Variants in SCAF4 observed in about 807,000 individuals in gnomAD.
The protein encoded by SCAF4 is SR-related CTD associated factor 4.
SCAF4 carries 25 observed loss-of-function variants against 129.8 expected under a neutral mutation model. That is an observed-to-expected ratio of 0.19 (90% CI 0.14 to 0.27). The LOEUF (loss-of-function observed/expected upper bound fraction) is 0.27. SCAF4 is among the 10% of genes least tolerant of loss of function. The pLI is 1.00. For synonymous variants in SCAF4, 551 were observed against 497.7 expected (o/e 1.11, Z -1.43); for missense variants, 1,246 against 1,457.1 (o/e 0.86, Z 2.36).
intron 17 of SCAF4, 33 bp from the exon 18 acceptor site, chr21:31,685,517 G>A (rs1292450513): frequency 2.5e-6 from 4 of 1,612,946 alleles, no homozygotes; most frequent in South Asian, 2.2e-5. Flanking sequence ...AACTTATGCT[G>A]TATCACTCCA....
intron 1 of SCAF4, among the ~76,000 whole-genome samples, chr21:31,713,973 C>A (rs2050865272): frequency 6.6e-6 from 1 of 151,988 alleles, no homozygotes; most frequent in Admixed American, 6.6e-5. Flanking sequence ...AATATAATTC[C>A]AACAAAATCT....
chr21:31,706,135 A>G, intron 2 of SCAF4, 139 bp downstream of exon 2: 1 of 657,516 alleles, frequency 1.5e-6, no homozygotes, highest in Admixed American at 2.9e-5. Flanking sequence ...CACGCTTATC[A>G]TGTACCTTCA....
chr21:31,677,550 C>G (rs1233054744), intron 19 of SCAF4, among the ~76,000 whole-genome samples: 2 of 152,132 alleles, frequency 1.3e-5, no homozygotes, highest in Non-Finnish European at 2.9e-5. Flanking sequence ...GCACTTTTCT[C>G]ACAGTCACCA....
rs538928221 is a variant in SCAF4, at chr21:31,714,648, T to C, written c.31-8291A>G. 5.3e-5 allele frequency among the ~76,000 whole-genome samples: 8 copies of C among 152,346 alleles called. No homozygotes were observed. The South Asian group carries it at 1.4e-3, about 28-fold the overall frequency. ...CCTGTGATACCTGCAGAATTCACAATGTTTAGGGATTAGTCAAAGTAACAT... is the reference window on the plus strand; with the variant it reads ...CCTGTGATACCTGCAGAATTCACAACGTTTAGGGATTAGTCAAAGTAACAT... On this transcript the variant is annotated intron_variant, in intron 1 of 19. Coordinates refer to ENST00000286835, the MANE Select transcript of SCAF4 (RefSeq NM_020706.2).
intron 6 of SCAF4, 76 bp from the exon 7 acceptor site, chr21:31,701,247 T>C (rs1301062365): frequency 7.5e-7 from 1 of 1,341,646 alleles, no homozygotes; most frequent in South Asian, 1.6e-5. Flanking sequence ...AATAAAAAAA[T>C]GTCTTAAAGG....
chr21:31,704,632 G>A (rs1158033434), intron 3 of SCAF4, among the ~76,000 whole-genome samples: 1 of 151,812 alleles, frequency 6.6e-6, no homozygotes, highest in Admixed American at 6.6e-5. Context: ...GATAAACTCA[G>A]TGGGAAAAGC....
intron 1 of SCAF4, among the ~76,000 whole-genome samples, chr21:31,708,061 A>T (rs1381622363): frequency 6.6e-6 from 1 of 152,216 alleles, no homozygotes; most frequent in African/African-American, 2.4e-5. Flanking sequence ...ATCTTTGAGA[A>T]TAAAACGCTC....
chr21:31,714,395 C>G (rs1327256013), intron 1 of SCAF4, among the ~76,000 whole-genome samples: 1 of 152,104 alleles, frequency 6.6e-6, no homozygotes, highest in African/African-American at 2.4e-5. Context: ...AAGGGATAAG[C>G]ATAGTGGAAA....
Position 31,694,941 on chromosome 21 carries a change from G to A in SCAF4, c.1108C>T (p.Leu370Phe), listed in dbSNP as rs767863582. Residue 370 changes from leucine to phenylalanine, a missense_variant, in exon 10 of 20, where the codon CTT becomes TTT. By Grantham distance (22) the Leu-to-Phe change is conservative. This residue lies in a region of SCAF4 where 236 missense variants were observed against 210.0 expected (regional missense o/e 1.12). Transcript: ENST00000286835. Reference sequence around the variant, plus strand: ...GGAGGAAATGGAGGTGTAGGAAGAAGTCCAAATCCTGGCATTTGTCCATTA... The same window carrying A: ...GGAGGAAATGGAGGTGTAGGAAGAAATCCAAATCCTGGCATTTGTCCATTA... ...PPNGQMPGFG[L>F]LPTPPFPPMA... 1.9e-6 allele frequency: 3 copies of A among 1,614,058 alleles called. No homozygotes were observed. Among genetic ancestry groups the A allele is most frequent in the East Asian group, 2.2e-5 (1 of 44,884 alleles).
chr21:31,689,946 A>G (rs1219632262), intron 15 of SCAF4, among the ~76,000 whole-genome samples: 1 of 151,844 alleles, frequency 6.6e-6, no homozygotes, highest in Non-Finnish European at 1.5e-5. Flanking sequence ...AAACGAAACA[A>G]AAACAACAAA....
intron 19 of SCAF4, chr21:31,684,833 T>C (rs761545762): frequency 2.3e-4 from 124 of 537,012 alleles, no homozygotes; most frequent in Non-Finnish European, 3.4e-4. Context: ...GTCTTTGAGA[T>C]TCTCTCTTGG....
chr21:31,705,404 TATA>T lies in SCAF4; in HGVS notation c.159+16_159+18del, dbSNP rs758234670. ...AATCATATTGTAACTAAAATGAGGT[TATA>T]ATGAGAGATAGTTACCTTTTTGATG... On this transcript the variant is annotated intron_variant, in intron 3 of 19. Coordinates refer to ENST00000286835, the MANE Select transcript of SCAF4 (RefSeq NM_020706.2). 17 of 1,086,054 alleles carry T rather than the reference TATA, an allele frequency of 1.6e-5. No individual in the cohort carries two copies. In the East Asian group the frequency reaches 2.6e-4, roughly 17 times the overall value. The allele number at this position is 1,086,054 out of a possible 1,614,324, so 67.3% of individuals were successfully genotyped here.
intron 1 of SCAF4, among the ~76,000 whole-genome samples, chr21:31,709,798 TTTAC>T (rs1398912465): frequency 6.6e-6 from 1 of 152,062 alleles, no homozygotes; most frequent in Non-Finnish European, 1.5e-5. Flanking sequence ...TGTTGTATTT[TTTAC>T]TTAATCATGT....
At chr21:31,724,508 A>G (rs2051152591) in intron 1 of SCAF4, among the ~76,000 whole-genome samples, 1 of 152,212 alleles carries the variant, frequency 6.6e-6, no homozygotes, top group Non-Finnish European at 1.5e-5. Context: ...GATTTGGCAT[A>G]TTGTCTCAAC....
intron 1 of SCAF4, among the ~76,000 whole-genome samples, chr21:31,721,303 T>C (rs58491036): frequency 0.02 from 3,004 of 152,016 alleles, 115 homozygotes; most frequent in African/African-American, 0.069. Flanking sequence ...CTGCCCTATC[T>C]AAAGTGATTT....
chr21:31,698,170 A>C (rs954377897), intron 7 of SCAF4, among the ~76,000 whole-genome samples: 3 of 152,204 alleles, frequency 2.0e-5, no homozygotes, highest in Admixed American at 2.0e-4. Context: ...AGCAATTAAA[A>C]AATTAAAATG....
At position 31,671,069 on chromosome 21, in the gene SCAF4, A is replaced by G. The variant is rs1037795167; in HGVS notation, c.*330T>C. 1 of 220,342 alleles carries G rather than the reference A, an allele frequency of 4.5e-6. No homozygotes were observed. The highest frequency in any genetic ancestry group is 2.3e-5 in the African/African-American group (1 of 42,950). The allele number at this position is 220,342 out of a possible 1,614,324, so 13.6% of individuals were successfully genotyped here. A position where few individuals can be genotyped will look rare whatever the true frequency, so the allele number is the denominator to read the frequency against. The stretch of plus-strand genomic sequence containing the variant: ...AATAGAGTTTATTAAAAACATCCCT[A>G]TTGTTTTGAGGAGCTTTCACCGTTA... On this transcript the variant is annotated 3_prime_UTR_variant, in exon 20 of 20. Transcript: ENST00000286835.
chr21:31,726,022 G>C (rs1601284362), intron 1 of SCAF4, among the ~76,000 whole-genome samples: 1 of 150,564 alleles, frequency 6.6e-6, no homozygotes, highest in African/African-American at 2.4e-5. Context: ...CCAATAGATA[G>C]ATACAAAAGC....
chr21:31,702,970 A>G (rs1326606515), intron 4 of SCAF4, among the ~76,000 whole-genome samples: 1 of 152,140 alleles, frequency 6.6e-6, no homozygotes, highest in Admixed American at 6.5e-5. Flanking sequence ...TCCGTTCTTC[A>G]TTATTCTGAG....
Sources: allele counts gnomAD v4.1 joint callset (sites outside exome capture counted in the v4.1 genomes callset), GRCh38; gene constraint gnomAD v4.1.1; regional missense constraint gnomAD v4.1.1; transcripts MANE v1.5; gene names NCBI Gene and HGNC (gene_info 2026-07-23, HGNC 2026-07-21).